The following ATP8B4 variants were observed in gnomAD, a reference collection of about 807,000 sequenced individuals.
ATP8B4 encodes the protein probable phospholipid-transporting ATPase IM.
ATP8B4 carries 133 observed loss-of-function variants against 145.6 expected under a neutral mutation model. The observed-to-expected ratio is 0.91, with a 90% CI of 0.79 to 1.05. The LOEUF (loss-of-function observed/expected upper bound fraction) is 1.05. ATP8B4 is among the 50% of genes least tolerant of loss of function. The pLI, the probability that ATP8B4 is intolerant of heterozygous loss-of-function variation, is 0.00. For synonymous variants in ATP8B4, 507 were observed against 492.9 expected, an observed-to-expected ratio of 1.03 and a Z score of -0.38; for missense variants, 1,458 against 1,425.2, an observed-to-expected ratio of 1.02 and a Z score of -0.37.
At chr15:50,059,537 A>G (rs2052852278) in intron 3 of ATP8B4, among the ~76,000 whole-genome samples, 1 of 152,160 alleles carries the variant, frequency 6.6e-6, no homozygotes, top group South Asian at 2.1e-4. Flanking sequence ...TGAATGAATG[A>G]ACAAATGAAT....
At chr15:50,110,360 T>A (rs905126656) in intron 1 of ATP8B4, among the ~76,000 whole-genome samples, 1 of 152,204 alleles carries the variant, frequency 6.6e-6, no homozygotes, top group African/African-American at 2.4e-5. Flanking sequence ...CTAGTTTAAC[T>A]CTAGAAGCAA....
chr15:50,074,098 T>A (rs375204247), intron 3 of ATP8B4, 29 bp downstream of exon 3: 1 of 1,593,380 alleles, frequency 6.3e-7, no homozygotes, highest in Non-Finnish European at 8.6e-7. Context: ...CCTATCCTAG[T>A]ACGTATGTGT....
At chr15:50,087,236 ATAT>A (rs946051770) in intron 2 of ATP8B4, among the ~76,000 whole-genome samples, 3 of 133,358 alleles carry the variant, frequency 2.2e-5, no homozygotes, top group Non-Finnish European at 4.6e-5. Flanking sequence ...TATTTATTAT[ATAT>A]AATAGAATAA....
chr15:50,102,185 T>C (rs2056403448), intron 2 of ATP8B4, among the ~76,000 whole-genome samples: 1 of 151,268 alleles, frequency 6.6e-6, no homozygotes, highest in African/African-American at 2.4e-5. Flanking sequence ...CTCAAGGAAC[T>C]AGAGAAACAA....
rs772769180 is a variant in ATP8B4 at position 49,879,479 on chromosome 15, A to G, written c.2698-20T>C. 12 of 1,559,744 alleles carry G rather than the reference A, an allele frequency of 7.7e-6. No homozygotes were observed. The highest frequency in any genetic ancestry group is 8.8e-6 in the Non-Finnish European group (10 of 1,141,016). ...AACAGTCTGAAAAGAAATATAACAT[A>G]TAAGTGAGAAACATCATCCATAGTA... On this transcript the variant is annotated intron_variant, in intron 23 of 27. Transcript: ENST00000284509.
At position 49,918,929 on chromosome 15, in the gene ATP8B4, C is replaced by T. The variant is rs1054250622; in HGVS notation, c.1945G>A (p.Glu649Lys). 2.5e-6 allele frequency: 4 copies of T among 1,612,864 alleles called. No homozygotes were observed. Among genetic ancestry groups the T allele is most frequent in the Non-Finnish European group, 3.4e-6 (4 of 1,179,250 alleles). The change falls in exon 19 of 28, where the codon GAA becomes AAA. Residue 649 changes from glutamate to lysine, a missense_variant. Coordinates refer to ENST00000284509, the MANE Select transcript of ATP8B4 (RefSeq NM_024837.4). The stretch of plus-strand genomic sequence containing the variant: ...ATAACACCCTCCTGTAACTTATCTT[C>T]TACAGCAGTGGCACCTAGTAGCTTT... The part of the protein sequence containing the change: ...DLMLLGATAV[E>K]DKLQEGVIET...
intron 16 of ATP8B4, among the ~76,000 whole-genome samples, chr15:49,926,760 A>C (rs1233513859): frequency 6.6e-6 from 1 of 152,164 alleles, no homozygotes; most frequent in African/African-American, 2.4e-5. Context: ...TTGAAAGCAG[A>C]AGCTATGCCT....
In ATP8B4 at chr15:49,858,850, G is replaced by A. The variant is rs1346983509; in HGVS notation, c.*1344C>T. On this transcript the variant is annotated 3_prime_UTR_variant, in exon 28 of 28. Transcript: ENST00000284509. ...AATTGCTCTGTTATACTGATGTTGAGTTAACTGGAACTTAACTCATCTGTT... is the reference window on the plus strand; with the variant it reads ...AATTGCTCTGTTATACTGATGTTGAATTAACTGGAACTTAACTCATCTGTT... The A allele has an allele frequency of 6.6e-6, 1 of 152,064 alleles. No individual in the cohort carries two copies. Among genetic ancestry groups the A allele is most frequent in the Middle Eastern group, 3.4e-3 (1 of 294 alleles). The allele number at this position is 152,064 out of a possible 1,614,324, so 9.4% of individuals were successfully genotyped here. A position where few individuals can be genotyped will look rare whatever the true frequency, so the allele number is the denominator to read the frequency against.
chr15:50,090,970 T>C (rs1293109285), intron 2 of ATP8B4, among the ~76,000 whole-genome samples: 2 of 152,180 alleles, frequency 1.3e-5, no homozygotes, highest in Non-Finnish European at 2.9e-5. Flanking sequence ...TTCTGAGTTA[T>C]TAAGAGTACT....
chr15:50,037,271 G>C (rs774210150), intron 6 of ATP8B4, among the ~76,000 whole-genome samples: 17 of 152,276 alleles, frequency 1.1e-4, no homozygotes, highest in African/African-American at 3.4e-4. Flanking sequence ...GATGTTCCTT[G>C]AGAAAGGAAC....
intron 1 of ATP8B4, among the ~76,000 whole-genome samples, chr15:50,127,606 T>C (rs973434014): frequency 6.6e-6 from 1 of 152,192 alleles, no homozygotes; most frequent in Non-Finnish European, 1.5e-5. Context: ...ACACACTATC[T>C]CTGAGGATAG....
intron 20 of ATP8B4, chr15:49,901,706 A>C (rs2038051780): frequency 5.5e-6 from 2 of 360,960 alleles, no homozygotes; most frequent in Admixed American, 8.0e-5. Context: ...GTACAATGTA[A>C]TACGATCCAG....
At chr15:49,899,466 TGA>T (rs1325872053) in intron 21 of ATP8B4, among the ~76,000 whole-genome samples, 1 of 152,148 alleles carries the variant, frequency 6.6e-6, no homozygotes, top group Non-Finnish European at 1.5e-5. Flanking sequence ...TGTCAATGGA[TGA>T]ATGGCTGGAT....
At chr15:50,036,994 A>C (rs1177748511) in intron 6 of ATP8B4, among the ~76,000 whole-genome samples, 1 of 152,218 alleles carries the variant, frequency 6.6e-6, no homozygotes, top group South Asian at 2.1e-4. Flanking sequence ...TAACACTAAC[A>C]CTATTTCAAA....
intron 2 of ATP8B4, among the ~76,000 whole-genome samples, chr15:50,082,126 C>T (rs2054593955): frequency 6.6e-6 from 1 of 152,164 alleles, no homozygotes. Context: ...TTTCATTCTT[C>T]ATAATCTGGT....
chr15:49,950,615 C>CAAAAAA (rs1189915156), intron 14 of ATP8B4, among the ~76,000 whole-genome samples: 15 of 79,956 alleles, frequency 1.9e-4, no homozygotes, highest in East Asian at 2.5e-4. Context: ...AACAAACAAA[C>CAAAAAA]AAACAAAAAA....
At chr15:49,921,809 A>C (rs185747343) in intron 17 of ATP8B4, among the ~76,000 whole-genome samples, 2 of 152,338 alleles carry the variant, frequency 1.3e-5, no homozygotes, top group African/African-American at 4.8e-5. Flanking sequence ...AGTTGGTAGC[A>C]CTTCGGATAT....
At chr15:50,015,118 G>T (rs1041883857) in intron 6 of ATP8B4, among the ~76,000 whole-genome samples, 1 of 152,192 alleles carries the variant, frequency 6.6e-6, no homozygotes, top group Non-Finnish European at 1.5e-5. Context: ...TATGAAATAT[G>T]CTGTAAGTTA....
intron 16 of ATP8B4, 140 bp downstream of exon 16, chr15:49,930,979 T>C (rs547855510): frequency 2.0e-5 from 18 of 894,592 alleles, no homozygotes; most frequent in African/African-American, 1.2e-4. Flanking sequence ...TGAGGCTAGG[T>C]TGAGCAACAC....
Sources: gnomAD v4.1 joint callset for allele counts (sites outside exome capture counted in the v4.1 genomes callset) on GRCh38, gnomAD v4.1.1 for gene constraint, MANE v1.5 for transcripts, NCBI Gene and HGNC (gene_info 2026-07-23, HGNC 2026-07-21) for gene names.